The following HS3ST4 variants were observed in gnomAD, a reference collection of about 807,000 sequenced individuals.
HS3ST4 encodes the protein heparan sulfate-glucosamine 3-sulfotransferase 4, also known as heparan sulfate glucosamine 3-O-sulfotransferase 4.
Under a neutral mutation model 29.2 loss-of-function variants are expected in HS3ST4, and 17 were observed. That is an observed-to-expected ratio of 0.58 (90% confidence interval 0.40 to 0.87). The LOEUF (loss-of-function observed/expected upper bound fraction) is 0.87. HS3ST4 is among the 40% of genes least tolerant of loss of function. HS3ST4 has a pLI of 0.00. For synonymous variants in HS3ST4, 314 were observed against 285.7 expected (o/e 1.10, Z -1.00); for missense variants, 627 against 634.5 (o/e 0.99, Z 0.13).
intron 1 of HS3ST4, among the ~76,000 whole-genome samples, chr16:25,695,979 C>G (rs1021047182): frequency 6.6e-6 from 1 of 152,306 alleles, no homozygotes; most frequent in Middle Eastern, 3.4e-3. Flanking sequence ...AGAGCCCTAG[C>G]AGGTTCAGTT....
chr16:25,700,971 G>A (rs980558245), intron 1 of HS3ST4, among the ~76,000 whole-genome samples: 2 of 152,110 alleles, frequency 1.3e-5, no homozygotes, highest in Admixed American at 6.5e-5. Context: ...GACAGAAATG[G>A]AACTTACACT....
At chr16:25,962,226 T>G (rs1263499587) in intron 1 of HS3ST4, among the ~76,000 whole-genome samples, 2 of 152,184 alleles carry the variant, frequency 1.3e-5, no homozygotes, top group Non-Finnish European at 2.9e-5. Context: ...GGAGGGTTTT[T>G]TTCTCGCTGT....
intron 1 of HS3ST4, among the ~76,000 whole-genome samples, chr16:26,011,277 T>G (rs1416233530): frequency 1.3e-5 from 2 of 152,230 alleles, no homozygotes; most frequent in Non-Finnish European, 2.9e-5. Flanking sequence ...CATTCAATTT[T>G]GGCCAGGCGT....
intron 1 of HS3ST4, among the ~76,000 whole-genome samples, chr16:25,783,062 T>C (rs1966854104): frequency 1.3e-5 from 2 of 152,138 alleles, no homozygotes; most frequent in South Asian, 4.2e-4. Flanking sequence ...AAGAAGAGGG[T>C]TGGGAGCCAT....
intron 1 of HS3ST4, among the ~76,000 whole-genome samples, chr16:25,952,439 G>A (rs1968691479): frequency 1.3e-5 from 2 of 152,176 alleles, no homozygotes; most frequent in African/African-American, 2.4e-5. Flanking sequence ...CCATCAGGGG[G>A]ATTCAAGCAT....
intron 1 of HS3ST4, among the ~76,000 whole-genome samples, chr16:25,853,626 A>G (rs1325390483): frequency 6.6e-6 from 1 of 152,180 alleles, no homozygotes; most frequent in Non-Finnish European, 1.5e-5. Context: ...GTAGAGTTTT[A>G]TGCAATGCTT....
chr16:25,902,796 A>G (rs1265634551), intron 1 of HS3ST4, among the ~76,000 whole-genome samples: 1 of 151,836 alleles, frequency 6.6e-6, no homozygotes, highest in Non-Finnish European at 1.5e-5. Flanking sequence ...ACAGAACAAA[A>G]AAAACAACGT....
intron 1 of HS3ST4, among the ~76,000 whole-genome samples, chr16:25,842,250 C>A (rs1038947081): frequency 2.0e-5 from 3 of 152,204 alleles, no homozygotes; most frequent in African/African-American, 7.2e-5. Flanking sequence ...GCACTATGAA[C>A]CACTTCTTCC....
At chr16:25,811,106 C>T (rs1024443979) in intron 1 of HS3ST4, among the ~76,000 whole-genome samples, 2 of 152,144 alleles carry the variant, frequency 1.3e-5, no homozygotes, top group Admixed American at 6.5e-5. Flanking sequence ...GTTTATTTAA[C>T]AGAAAAATTT....
intron 1 of HS3ST4, among the ~76,000 whole-genome samples, chr16:25,758,892 G>A (rs1057026309): frequency 6.6e-6 from 1 of 151,866 alleles, no homozygotes; most frequent in African/African-American, 2.4e-5. Flanking sequence ...GGAGGCGGAG[G>A]TTGCAGTGAG....
intron 1 of HS3ST4, among the ~76,000 whole-genome samples, chr16:25,835,752 C>T (rs140677589): frequency 3.3e-5 from 5 of 152,220 alleles, no homozygotes; most frequent in South Asian, 2.1e-4. Flanking sequence ...TGTGACTTGC[C>T]GGGGGCTGAT....
chr16:26,039,416 T>A (rs749588557), intron 1 of HS3ST4, among the ~76,000 whole-genome samples: 3 of 152,204 alleles, frequency 2.0e-5, no homozygotes, highest in Non-Finnish European at 2.9e-5. Context: ...CTCCATGAAA[T>A]ACTTTGGACA....
At chr16:26,124,738 A>G (rs1899319839) in intron 1 of HS3ST4, among the ~76,000 whole-genome samples, 1 of 152,180 alleles carries the variant, frequency 6.6e-6, no homozygotes, top group Non-Finnish European at 1.5e-5. Flanking sequence ...GGGGCCTTCT[A>G]TTATGTGTGA....
At chr16:26,119,772 G>T (rs1243254002) in intron 1 of HS3ST4, among the ~76,000 whole-genome samples, 6 of 152,050 alleles carry the variant, frequency 3.9e-5, no homozygotes, top group African/African-American at 7.3e-5. Context: ...GCACTATGTG[G>T]CATGCTGGGA....
intron 1 of HS3ST4, among the ~76,000 whole-genome samples, chr16:26,133,096 A>G (rs1193268646): frequency 6.6e-6 from 1 of 152,086 alleles, no homozygotes; most frequent in African/African-American, 2.4e-5. Context: ...CTTAGATACC[A>G]TGTTTTCCTG....
At chr16:26,023,199 T>C (rs761853366) in intron 1 of HS3ST4, among the ~76,000 whole-genome samples, 93 of 152,174 alleles carry the variant, frequency 6.1e-4, no homozygotes, top group Admixed American at 2.2e-3. Context: ...GCAGATTATG[T>C]CATCTTGATG....
intron 1 of HS3ST4, among the ~76,000 whole-genome samples, chr16:25,898,419 C>T (rs1195456626): frequency 6.6e-6 from 1 of 152,192 alleles, no homozygotes; most frequent in Non-Finnish European, 1.5e-5. Context: ...TTCCCATACA[C>T]TGGATCAAGA....
At chr16:25,978,963 G>A (rs1228255287) in intron 1 of HS3ST4, among the ~76,000 whole-genome samples, 3 of 118,762 alleles carry the variant, frequency 2.5e-5, no homozygotes, top group Non-Finnish European at 3.5e-5. Flanking sequence ...TTTTTGAGAC[G>A]AGTTTCTCTC....
intron 1 of HS3ST4, among the ~76,000 whole-genome samples, chr16:25,701,566 T>C (rs1346667531): frequency 1.3e-5 from 2 of 152,200 alleles, no homozygotes; most frequent in Non-Finnish European, 2.9e-5. Flanking sequence ...AGGCATATGA[T>C]CTCTCTAATC....
Sources: allele counts gnomAD v4.1 joint callset (sites outside exome capture counted in the v4.1 genomes callset), GRCh38; gene constraint gnomAD v4.1.1; transcripts MANE v1.5; gene names NCBI Gene and HGNC (gene_info 2026-07-23, HGNC 2026-07-21).